Variants in CTNND2 observed in about 807,000 individuals in gnomAD.
CTNND2 encodes catenin delta 2, also known as catenin delta-2.
In CTNND2, 22 loss-of-function variants were observed where a neutral mutation model predicts 144.4. The observed-to-expected ratio is 0.15, with a 90% CI of 0.11 to 0.22. The LOEUF (loss-of-function observed/expected upper bound fraction) is 0.22. Ranked by LOEUF, CTNND2 falls within the 10% of genes least tolerant of loss-of-function variation. The pLI, the probability that CTNND2 is intolerant of heterozygous loss-of-function variation, is 1.00. For missense variants in CTNND2, 1,353 were observed against 1,618.8 expected (o/e 0.84, Z 2.82); for synonymous variants, 751 against 695.6 (o/e 1.08, Z -1.25).
intron 2 of CTNND2, among the ~76,000 whole-genome samples, chr5:11,680,754 G>C (rs1229306048): frequency 1.3e-5 from 2 of 152,134 alleles, no homozygotes; most frequent in Non-Finnish European, 2.9e-5. Flanking sequence ...GACTGCAGAG[G>C]AGGTCAGGAT....
At chr5:10,985,856 G>T (rs1209871630) in intron 20 of CTNND2, among the ~76,000 whole-genome samples, 1 of 152,084 alleles carries the variant, frequency 6.6e-6, no homozygotes, top group African/African-American at 2.4e-5. Context: ...ACCTGGCTTG[G>T]CTGGGGACTT....
intron 12 of CTNND2, among the ~76,000 whole-genome samples, chr5:11,128,894 A>C (rs1477242327): frequency 1.7e-5 from 1 of 58,394 alleles, no homozygotes; most frequent in Admixed American, 3.3e-4. Context: ...ATAAATATAT[A>C]TTACATATAT....
chr5:11,113,009 C>T (rs1404705395), intron 13 of CTNND2, among the ~76,000 whole-genome samples: 1 of 152,004 alleles, frequency 6.6e-6, no homozygotes, highest in Non-Finnish European at 1.5e-5. Context: ...AGCATGGTGG[C>T]GGGCACCTGT....
At chr5:11,328,693 T>G (rs1359679862) in intron 9 of CTNND2, among the ~76,000 whole-genome samples, 3 of 152,160 alleles carry the variant, frequency 2.0e-5, no homozygotes, top group African/African-American at 7.2e-5. Context: ...TCTCAGGGGC[T>G]ACCATACTCC....
chr5:11,402,523 T>A (rs1760725253), intron 5 of CTNND2, among the ~76,000 whole-genome samples: 1 of 152,252 alleles, frequency 6.6e-6, no homozygotes, highest in Non-Finnish European at 1.5e-5. Flanking sequence ...GTTTCACCTT[T>A]ATGGGTTCCA....
At chr5:11,643,519 A>G (rs1782179943) in intron 2 of CTNND2, among the ~76,000 whole-genome samples, 1 of 151,262 alleles carries the variant, frequency 6.6e-6, no homozygotes, top group Non-Finnish European at 1.5e-5. Flanking sequence ...GTTTGCTGAG[A>G]ATGATGGTTT....
intron 7 of CTNND2, among the ~76,000 whole-genome samples, chr5:11,377,235 T>G (rs1581054713): frequency 6.6e-6 from 1 of 151,972 alleles, no homozygotes; most frequent in East Asian, 1.9e-4. Context: ...TTTGTATTTT[T>G]TAGTAGAGAC....
At chr5:11,126,226 G>A (rs570023286) in intron 12 of CTNND2, among the ~76,000 whole-genome samples, 21 of 152,256 alleles carry the variant, frequency 1.4e-4, no homozygotes, top group African/African-American at 1.9e-4. Context: ...GCTTGAACCC[G>A]GGATGCGGAG....
rs1737749567 is a variant in CTNND2, at chr5:11,900,218, G to C, written c.37+3599C>G. Among the ~76,000 whole-genome samples, 3 of 152,236 alleles carry C rather than the reference G, an allele frequency of 2.0e-5. No homozygotes were observed. In the East Asian group the frequency reaches 5.8e-4, roughly 29 times the overall value. ...ATTTCCAATTTGTCAAAAACTAATT[G>C]ATACAGGTACTTCAATATCCTGACA... On this transcript the variant is annotated intron_variant, in intron 1 of 21. Coordinates refer to ENST00000304623, the MANE Select transcript of CTNND2 (RefSeq NM_001332.4).
At chr5:11,134,978 AAG>A (rs1755987330) in intron 12 of CTNND2, among the ~76,000 whole-genome samples, 4 of 152,228 alleles carry the variant, frequency 2.6e-5, no homozygotes, top group Non-Finnish European at 1.5e-5. Flanking sequence ...GTTGGCCATG[AAG>A]AGTTTAGTTC....
intron 2 of CTNND2, among the ~76,000 whole-genome samples, chr5:11,664,374 C>T (rs899492756): frequency 3.3e-5 from 5 of 152,074 alleles, no homozygotes; most frequent in Admixed American, 1.3e-4. Flanking sequence ...CAGCGGATCA[C>T]GAGGTCAGGA....
intron 1 of CTNND2, among the ~76,000 whole-genome samples, chr5:11,878,961 A>G (rs1194939747): frequency 6.6e-6 from 1 of 152,178 alleles, no homozygotes; most frequent in East Asian, 1.9e-4. Flanking sequence ...AAGCTTTTAC[A>G]GGGTTCTTCA....
chr5:11,343,212 G>A (rs1352450280), intron 9 of CTNND2, among the ~76,000 whole-genome samples: 2 of 152,172 alleles, frequency 1.3e-5, no homozygotes, highest in East Asian at 3.9e-4. Context: ...ATGACTTAGA[G>A]TCACAGAAAG....
intron 18 of CTNND2, among the ~76,000 whole-genome samples, chr5:10,994,328 AGGAGCGGGGGCCGG>A (rs1739063750): frequency 4.2e-5 from 1 of 23,602 alleles, no homozygotes; most frequent in Non-Finnish European, 8.1e-5. Flanking sequence ...GCGGGGATGG[AGGAGCGGGGGCCGG>A]GGAAGGAGGA....
chr5:11,487,322 A>C (rs1486450315), intron 3 of CTNND2, among the ~76,000 whole-genome samples: 1 of 152,240 alleles, frequency 6.6e-6, no homozygotes, highest in African/African-American at 2.4e-5. Flanking sequence ...GTGGTTATTT[A>C]AACAATGCAA....
intron 2 of CTNND2, among the ~76,000 whole-genome samples, chr5:11,613,163 T>C (rs1301018258): frequency 6.6e-6 from 1 of 152,158 alleles, no homozygotes; most frequent in Non-Finnish European, 1.5e-5. Context: ...TTAATCAAAA[T>C]CCATTTTGCT....
Position 11,364,596 on chromosome 5 carries a change from G to A in CTNND2, c.1372+100C>T, listed in dbSNP as rs1014935804. The A allele has an allele frequency of 1.5e-5, 14 of 919,370 alleles. No individual in the cohort carries two copies. In the African/African-American group the frequency reaches 2.2e-4, roughly 15 times the overall value. 57.0% of individuals were successfully genotyped at this position (919,370 alleles called of 1,614,324 possible). A position where few individuals can be genotyped will look rare whatever the true frequency, so the allele number is the denominator to read the frequency against. On this transcript the variant is annotated intron_variant, in intron 8 of 21. Coordinates refer to ENST00000304623, the MANE Select transcript of CTNND2 (RefSeq NM_001332.4). ...AGGTCACAGTGCTTGTGGGGATAGT[G>A]GACACAGACACACACCTTTCATTTG...
At chr5:11,294,667 G>C (rs529541756) in intron 9 of CTNND2, among the ~76,000 whole-genome samples, 97 of 152,074 alleles carry the variant, frequency 6.4e-4, no homozygotes, top group South Asian at 1.2e-3. Flanking sequence ...GGGATGCAAG[G>C]CTGGTTCAAC....
At chr5:11,500,296 A>T (rs1415160550) in intron 3 of CTNND2, among the ~76,000 whole-genome samples, 1 of 152,172 alleles carries the variant, frequency 6.6e-6, no homozygotes, top group Non-Finnish European at 1.5e-5. Context: ...CAAGCTCTTA[A>T]ATGTTAGCTG....
Sources: allele counts gnomAD v4.1 joint callset (sites outside exome capture counted in the v4.1 genomes callset), GRCh38; gene constraint gnomAD v4.1.1; transcripts MANE v1.5; gene names NCBI Gene and HGNC (gene_info 2026-07-23, HGNC 2026-07-21).